The following TFEC variants were observed in gnomAD, a reference collection of about 807,000 sequenced individuals.
TFEC encodes transcription factor EC.
In TFEC, 31 loss-of-function variants were observed where a neutral mutation model predicts 41.6. The observed-to-expected ratio is 0.74, with a 90% confidence interval of 0.56 to 1.01. TFEC has a LOEUF of 1.01. TFEC is among the 50% of genes least tolerant of loss of function. The pLI is 0.00. For synonymous variants in TFEC, 143 were observed against 140.6 expected, an observed-to-expected ratio of 1.02 and a Z score of -0.12; for missense variants, 402 against 404.1, an observed-to-expected ratio of 0.99 and a Z score of 0.04.
At chr7:116,077,463 C>T (rs1300787843) in intron 3 of TFEC, among the ~76,000 whole-genome samples, 1 of 152,098 alleles carries the variant, frequency 6.6e-6, no homozygotes, top group African/African-American at 2.4e-5. Flanking sequence ...AAGTGCTCCA[C>T]TTAAAAAATA....
At chr7:116,068,900 G>A (rs1050645130) in intron 3 of TFEC, among the ~76,000 whole-genome samples, 1 of 151,572 alleles carries the variant, frequency 6.6e-6, no homozygotes, top group Admixed American at 6.6e-5. Context: ...TACAGAACCT[G>A]AACACATTGA....
rs1043605830 is a variant in TFEC, at chr7:116,017,579, G to C, written c.-73+13054C>G. Among the ~76,000 whole-genome samples the C allele has an allele frequency of 4.6e-5, 7 of 152,030 alleles. No individual in the cohort carries two copies. In the South Asian group the frequency reaches 1.2e-3, roughly 27 times the overall value. ...CGTACCATGACCTTCGTGTTGAATAGGTGATCACCCAACTATCTATCCAAC... is the reference window on the plus strand; with the variant it reads ...CGTACCATGACCTTCGTGTTGAATACGTGATCACCCAACTATCTATCCAAC... On this transcript the variant is annotated intron_variant, in intron 1 of 7. Transcript: ENST00000265440.
At chr7:116,130,084 A>ACT (rs1554425104) in intron 1 of TFEC, among the ~76,000 whole-genome samples, 1 of 144,290 alleles carries the variant, frequency 6.9e-6, no homozygotes, top group Non-Finnish European at 1.5e-5. Flanking sequence ...ACACACACAC[A>ACT]CTCTTACTTG....
chr7:116,042,548 T>A (rs1796064103), intron 3 of TFEC, among the ~76,000 whole-genome samples: 1 of 152,220 alleles, frequency 6.6e-6, no homozygotes, highest in Admixed American at 6.5e-5. Context: ...TAATAGTTTA[T>A]CCCTACAGGA....
chr7:116,128,804 T>C (rs1458670187), intron 1 of TFEC, among the ~76,000 whole-genome samples: 1 of 152,100 alleles, frequency 6.6e-6, no homozygotes, highest in Admixed American at 6.6e-5. Flanking sequence ...ATTCAATGAG[T>C]AATTCAATGA....
chr7:115,959,770 T>C (rs1482160065), intron 3 of TFEC, among the ~76,000 whole-genome samples: 1 of 151,220 alleles, frequency 6.6e-6, no homozygotes, highest in Non-Finnish European at 1.5e-5. Context: ...TGGTAAAATA[T>C]AAAGCCAAAT....
intron 3 of TFEC, among the ~76,000 whole-genome samples, chr7:115,958,028 G>C (rs2130441992): frequency 6.6e-6 from 1 of 151,840 alleles, no homozygotes; most frequent in East Asian, 1.9e-4. Context: ...AGACTTATAT[G>C]GCTCTCAGAT....
intron 1 of TFEC, among the ~76,000 whole-genome samples, chr7:116,127,451 T>C (rs1258307751): frequency 6.6e-6 from 1 of 152,226 alleles, no homozygotes; most frequent in East Asian, 1.9e-4. Context: ...TTGTTTACTT[T>C]TACTGAAAGC....
rs567378058 is a variant in TFEC, at chr7:116,049,742, C to T, written c.198+60966G>A. On this transcript the variant is annotated intron_variant, in intron 3 of 8. Coordinates refer to the TFEC transcript ENST00000484212. Reference sequence around the variant, plus strand: ...ACATAGTTGGAAGTAAAGCACTCCTCGGCAAATGTGGAAGAACAGAAATTA... The same window carrying T: ...ACATAGTTGGAAGTAAAGCACTCCTTGGCAAATGTGGAAGAACAGAAATTA... Among the ~76,000 whole-genome samples the T allele has an allele frequency of 9.9e-5, 15 of 152,280 alleles. 1 individual carries two copies. Among genetic ancestry groups the T allele is most frequent in the African/African-American group, 2.9e-4 (12 of 41,562 alleles).
intron 1 of TFEC, among the ~76,000 whole-genome samples, chr7:116,020,497 A>G (rs1395313783): frequency 6.6e-6 from 1 of 152,174 alleles, no homozygotes; most frequent in Non-Finnish European, 1.5e-5. Flanking sequence ...AGCATTCTTT[A>G]AACTGTGGGA....
At chr7:116,066,783 T>C (rs1366261743) in intron 3 of TFEC, among the ~76,000 whole-genome samples, 3 of 152,090 alleles carry the variant, frequency 2.0e-5, no homozygotes. Context: ...GTGAACTGAA[T>C]GGTGCCCTCG....
At chr7:116,139,604 G>A (rs10235015) in intron 1 of TFEC, among the ~76,000 whole-genome samples, 16,380 of 152,210 alleles carry the variant, frequency 0.11, 949 homozygotes, top group African/African-American at 0.15. Flanking sequence ...TCAAGGTTAG[G>A]AAAGTAAACC....
chr7:116,133,309 G>C (rs997888830), intron 1 of TFEC, among the ~76,000 whole-genome samples: 10 of 152,146 alleles, frequency 6.6e-5, no homozygotes, highest in Admixed American at 2.0e-4. Flanking sequence ...CAGCACTTTG[G>C]GGGGCCAAGG....
intron 1 of TFEC, among the ~76,000 whole-genome samples, chr7:116,026,172 T>G (rs762521400): frequency 1.3e-5 from 2 of 152,216 alleles, no homozygotes; most frequent in Non-Finnish European, 2.9e-5. Context: ...TCATGTTATT[T>G]CACACAATGG....
At chr7:116,108,617 T>C (rs547229505) in intron 3 of TFEC, among the ~76,000 whole-genome samples, 1 of 152,152 alleles carries the variant, frequency 6.6e-6, no homozygotes, top group Non-Finnish European at 1.5e-5. Context: ...AGACTTGGGT[T>C]CCAATCTTGC....
chr7:115,965,692 G>A (rs1792811184), intron 3 of TFEC, among the ~76,000 whole-genome samples: 1 of 151,574 alleles, frequency 6.6e-6, no homozygotes, highest in African/African-American at 2.4e-5. Context: ...TAAAATCAGT[G>A]CTGCTCTATA....
intron 1 of TFEC, among the ~76,000 whole-genome samples, chr7:115,993,214 A>T (rs1325095697): frequency 6.6e-6 from 1 of 152,218 alleles, no homozygotes; most frequent in East Asian, 1.9e-4. Context: ...TCTCAAAATA[A>T]TAAGAGCTAT....
At chr7:116,101,056 G>C (rs1209768646) in intron 3 of TFEC, among the ~76,000 whole-genome samples, 1 of 151,970 alleles carries the variant, frequency 6.6e-6, no homozygotes, top group African/African-American at 2.4e-5. Flanking sequence ...GTTGCAGGAG[G>C]CTCCAATTTA....
chr7:115,999,762 T>C (rs953702594), intron 1 of TFEC, among the ~76,000 whole-genome samples: 4 of 150,198 alleles, frequency 2.7e-5, no homozygotes, highest in African/African-American at 7.3e-5. Context: ...ACATGTACAA[T>C]GTACCAAGAT....
Sources: allele counts gnomAD v4.1 joint callset (sites outside exome capture counted in the v4.1 genomes callset), GRCh38; gene constraint gnomAD v4.1.1; transcripts MANE v1.5; gene names NCBI Gene and HGNC (gene_info 2026-07-23, HGNC 2026-07-21).